PTPRN2: variants seen among roughly 807,000 people sequenced by gnomAD.
PTPRN2 encodes receptor-type tyrosine-protein phosphatase N2.
In PTPRN2, 74 loss-of-function variants were observed where a neutral mutation model predicts 118.8. That is an observed-to-expected ratio of 0.62 (90% CI 0.52 to 0.76). PTPRN2 has a LOEUF of 0.76. Ranked by LOEUF, PTPRN2 falls within the 30% of genes least tolerant of loss-of-function variation. The pLI is 0.00. For missense variants in PTPRN2, 1,481 were observed against 1,394.4 expected (o/e 1.06, Z -0.99); for synonymous variants, 641 against 608.0 (o/e 1.05, Z -0.80).
intron 10 of PTPRN2, among the ~76,000 whole-genome samples, chr7:158,097,505 CG>C (rs1433114237): frequency 6.6e-6 from 1 of 152,230 alleles, no homozygotes; most frequent in Non-Finnish European, 1.5e-5. Flanking sequence ...CGGCGGTCCT[CG>C]TGGCTGATGT....
intron 2 of PTPRN2, among the ~76,000 whole-genome samples, chr7:158,321,089 G>A (rs1473540942): frequency 6.6e-6 from 1 of 151,992 alleles, no homozygotes; most frequent in African/African-American, 2.4e-5. Context: ...AGCATCAGGT[G>A]CGATGAGACT....
chr7:157,678,666 C>G (rs897037303), intron 13 of PTPRN2, among the ~76,000 whole-genome samples: 3 of 152,130 alleles, frequency 2.0e-5, no homozygotes, highest in Non-Finnish European at 4.4e-5. Flanking sequence ...GCTGTGTTTA[C>G]AGGAGGTCCC....
intron 5 of PTPRN2, among the ~76,000 whole-genome samples, chr7:158,189,529 G>T (rs1825593595): frequency 6.6e-6 from 1 of 152,188 alleles, no homozygotes. Flanking sequence ...GAGGGCCCTT[G>T]GACGTCAGTC....
At chr7:158,233,759 G>C (rs1215161811) in intron 3 of PTPRN2, among the ~76,000 whole-genome samples, 1 of 152,130 alleles carries the variant, frequency 6.6e-6, no homozygotes, top group African/African-American at 2.4e-5. Flanking sequence ...CATAGTACTG[G>C]CATAAAAACA....
chr7:157,798,258 T>TA lies in PTPRN2; in HGVS notation c.1788+100414dup, dbSNP rs1360294772. ...TCGGTGACAGAGCGAGACTCAGTCC[T>TA]AAAAAAATAAATAAAAATAAAAATA... On this transcript the variant is annotated intron_variant, in intron 12 of 22. Coordinates refer to ENST00000389418, the MANE Select transcript of PTPRN2 (RefSeq NM_002847.5). Among the ~76,000 whole-genome samples the TA allele has an allele frequency of 3.1e-4, 47 of 152,240 alleles. No individual in the cohort carries two copies. In the South Asian group the frequency reaches 9.6e-3, roughly 31 times the overall value.
At chr7:157,620,802 C>T (rs1014566704) in intron 15 of PTPRN2, among the ~76,000 whole-genome samples, 53 of 152,134 alleles carry the variant, frequency 3.5e-4, no homozygotes, top group Admixed American at 2.1e-3. Flanking sequence ...CTGCTGCAGG[C>T]GGGGGGTGCC....
intron 2 of PTPRN2, among the ~76,000 whole-genome samples, chr7:158,402,051 C>A (rs1035908567): frequency 6.6e-6 from 1 of 152,064 alleles, no homozygotes; most frequent in Non-Finnish European, 1.5e-5. Flanking sequence ...CGGTGCCCAG[C>A]AGGGTCAGGG....
chr7:157,752,200 G>A (rs1801511861), intron 12 of PTPRN2, among the ~76,000 whole-genome samples: 1 of 152,218 alleles, frequency 6.6e-6, no homozygotes, highest in Admixed American at 6.5e-5. Context: ...CTCCAGGGTG[G>A]GGGCACCGAG....
intron 11 of PTPRN2, among the ~76,000 whole-genome samples, chr7:158,025,074 C>T (rs1807166081): frequency 6.6e-6 from 1 of 152,112 alleles, no homozygotes; most frequent in Non-Finnish European, 1.5e-5. Flanking sequence ...CCGAGGAAAG[C>T]AGGCAAACAT....
At chr7:157,685,504 G>C (rs1173350366) in intron 12 of PTPRN2, among the ~76,000 whole-genome samples, 1 of 152,118 alleles carries the variant, frequency 6.6e-6, no homozygotes. Flanking sequence ...CCGAGGAAGG[G>C]GCACAGGCGC....
intron 11 of PTPRN2, among the ~76,000 whole-genome samples, chr7:157,906,719 T>C (rs904051085): frequency 6.6e-6 from 1 of 152,162 alleles, no homozygotes; most frequent in Non-Finnish European, 1.5e-5. Flanking sequence ...ACTCACCCTC[T>C]GGGCGCTGGG....
chr7:158,545,596 G>A (rs1826232743), intron 1 of PTPRN2, among the ~76,000 whole-genome samples: 1 of 152,182 alleles, frequency 6.6e-6, no homozygotes, highest in Admixed American at 6.5e-5. Context: ...ATGAGGAGCT[G>A]AGGGCCACTA....
rs1267025922 is a variant in PTPRN2 at position 158,396,718 on chromosome 7, G to C, written c.164-79786C>G. ...TTTGTGTGTGCACATGTGTGCATGT[G>C]TGTGTGTGCGCATACCATCTCCCCA... On this transcript the variant is annotated intron_variant, in intron 2 of 22. Coordinates refer to ENST00000389418, the MANE Select transcript of PTPRN2 (RefSeq NM_002847.5). Among the ~76,000 whole-genome samples, 9 of 152,336 alleles carry C rather than the reference G, an allele frequency of 5.9e-5. No individual in the cohort carries two copies. In the East Asian group the frequency reaches 1.7e-3, roughly 29 times the overall value.
chr7:158,526,886 G>A lies in PTPRN2; in HGVS notation c.113-37101C>T, dbSNP rs1824820710. ...ATGTCTGTTGTTTGCTAAGCCGCCT[G>A]GTTTGTGGGGGTTTGTTAGGGAGAC... On this transcript the variant is annotated intron_variant, in intron 1 of 22. Transcript: ENST00000389418. This position sits in a 1 kb window ranked among gnomAD's most constrained non-coding sequence, Gnocchi z 5.2. Among the ~76,000 whole-genome samples, 2 of 152,126 alleles carry A rather than the reference G, an allele frequency of 1.3e-5. No homozygotes were observed. The highest frequency in any genetic ancestry group is 4.8e-5 in the African/African-American group (2 of 41,422).
In PTPRN2 at chr7:157,540,357, A is replaced by C. The variant is rs1797957965; in HGVS notation, c.*357T>G. 5.5e-6 allele frequency: 1 copy of C among 182,136 alleles called. No homozygotes were observed. The highest frequency in any genetic ancestry group is 1.3e-4 in the South Asian group (1 of 7,944). 11.3% of individuals were successfully genotyped at this position (182,136 alleles called of 1,614,324 possible). ...GTGGATCCACCCTCCCGAAAGTGGC[A>C]GATGACAAGCACACTCTTCCTGGAA... is the stretch of plus-strand genomic sequence containing the variant. On this transcript the variant is annotated 3_prime_UTR_variant, in exon 23 of 23. Transcript: ENST00000389418.
At chr7:157,866,682 G>C (rs1038084353) in intron 12 of PTPRN2, among the ~76,000 whole-genome samples, 43 of 152,014 alleles carry the variant, frequency 2.8e-4, no homozygotes, top group African/African-American at 1.0e-3. Flanking sequence ...CGAGTCCCAG[G>C]CTCGCCCCAG....
At chr7:158,176,550 G>A (rs1057078459) in intron 5 of PTPRN2, among the ~76,000 whole-genome samples, 1 of 152,192 alleles carries the variant, frequency 6.6e-6, no homozygotes, top group African/African-American at 2.4e-5. Flanking sequence ...TGGAGCACAG[G>A]TCTGGGTGTG....
rs1009439875 is a variant in PTPRN2, at chr7:158,403,142, C to T, written c.164-86210G>A. Among the ~76,000 whole-genome samples the T allele has an allele frequency of 5.3e-5, 8 of 152,308 alleles. No homozygotes were observed. The South Asian group carries it at 1.7e-3, about 32-fold the overall frequency. ...CATTAAGGTCTGGACCACCTTCAAG[C>T]TGTGCACTTGGGAGGTTGAGCAGAC... On this transcript the variant is annotated intron_variant, in intron 2 of 22. Coordinates refer to ENST00000389418, the MANE Select transcript of PTPRN2 (RefSeq NM_002847.5).
At chr7:157,993,734 C>CAT (rs1804431721) in intron 11 of PTPRN2, among the ~76,000 whole-genome samples, 3 of 152,178 alleles carry the variant, frequency 2.0e-5, no homozygotes, top group Non-Finnish European at 4.4e-5. Context: ...GCAGGAAGAA[C>CAT]CCATCCTAGG....
Sources: allele counts gnomAD v4.1 joint callset (sites outside exome capture counted in the v4.1 genomes callset), GRCh38; gene constraint gnomAD v4.1.1; non-coding constraint Gnocchi (gnomAD v3.1); transcripts MANE v1.5; gene names NCBI Gene and HGNC (gene_info 2026-07-23, HGNC 2026-07-21).